RPTOR: variants seen among roughly 807,000 people sequenced by gnomAD.
RPTOR encodes regulatory associated protein of MTOR complex 1.
A neutral mutation model predicts 169.9 loss-of-function variants in RPTOR; 21 were observed. The ratio of observed to expected loss-of-function variants is 0.12; its 90% CI spans 0.09 to 0.18. The LOEUF (loss-of-function observed/expected upper bound fraction) is 0.18. Among genes scored for constraint, RPTOR ranks in the 10% least tolerant of loss-of-function variants. The probability of loss-of-function intolerance (pLI) is 1.00; values close to 1 mark genes in which losing one functional copy is unlikely to be tolerated. For missense variants in RPTOR, 1,133 were observed against 1,855.9 expected (o/e 0.61, Z 7.16); for synonymous variants, 732 against 753.2 (o/e 0.97, Z 0.46).
Position 80,857,803 on chromosome 17 carries a change from G to T in RPTOR, c.1412G>T (p.Gly471Val). 1 of 1,610,340 alleles carries T rather than the reference G, an allele frequency of 6.2e-7. No homozygotes were observed. ...PWAVSLALSV[G>V]IFPYVLKLLQ... Reference sequence around the variant, plus strand: ...CCTCGCCCCCAGGCCTTGTCTGTCGGCATCTTCCCCTACGTGCTGAAGCTG... The same window carrying T: ...CCTCGCCCCCAGGCCTTGTCTGTCGTCATCTTCCCCTACGTGCTGAAGCTG... Residue 471 changes from glycine (G) to valine (V), a missense_variant, in exon 13 of 34, where the codon GGC (glycine) becomes GTC (valine). By Grantham distance (109) the Gly-to-Val change is moderately radical. This residue lies in a region of RPTOR where 289 missense variants were observed against 585.8 expected (regional missense o/e 0.49). Coordinates refer to ENST00000306801, the MANE Select transcript of RPTOR (RefSeq NM_020761.3).
intron 6 of RPTOR, among the ~76,000 whole-genome samples, chr17:80,768,303 C>G (rs546994963): frequency 6.6e-6 from 1 of 152,288 alleles, no homozygotes; most frequent in East Asian, 1.9e-4. Context: ...CGTGATCTCA[C>G]TTGGGGTCTC....
chr17:80,867,040 G>C (rs2068000762), intron 13 of RPTOR, among the ~76,000 whole-genome samples: 1 of 152,082 alleles, frequency 6.6e-6, no homozygotes, highest in Non-Finnish European at 1.5e-5. Flanking sequence ...TGATACCAAA[G>C]GTTAGACACA....
At chr17:80,843,428 AAT>A (rs1453879574) in intron 10 of RPTOR, among the ~76,000 whole-genome samples, 3 of 43,468 alleles carry the variant, frequency 6.9e-5, no homozygotes, top group African/African-American at 1.4e-4. Flanking sequence ...CTCAAAAAAA[AAT>A]TTTTTTTTTT....
chr17:80,958,553 A>G (rs1006620637), intron 29 of RPTOR, among the ~76,000 whole-genome samples: 4 of 151,018 alleles, frequency 2.6e-5, no homozygotes, highest in African/African-American at 4.9e-5. Flanking sequence ...TGGGACTACA[A>G]GCGCCCACCA....
At chr17:80,644,819 C>G (rs904991430) in intron 3 of RPTOR, among the ~76,000 whole-genome samples, 3 of 152,142 alleles carry the variant, frequency 2.0e-5, no homozygotes, top group Non-Finnish European at 4.4e-5. Context: ...TAGGTCATTT[C>G]TGCTGTTGCT....
chr17:80,739,533 C>T (rs2066464984), intron 5 of RPTOR, among the ~76,000 whole-genome samples: 2 of 152,186 alleles, frequency 1.3e-5, no homozygotes, highest in East Asian at 1.9e-4. Context: ...ACACACTTTT[C>T]CAGCGTCCAT....
At position 80,730,731 on chromosome 17, in the gene RPTOR, C is replaced by T. The variant is rs762895923; in HGVS notation, c.654+25C>T. 8.4e-6 allele frequency: 7 copies of T among 834,600 alleles called. No homozygotes were observed. The highest frequency in any genetic ancestry group is 5.8e-5 in the East Asian group (1 of 17,340). The allele number at this position is 834,600 out of a possible 1,614,324, so 51.7% of individuals were successfully genotyped here. A position where few individuals can be genotyped will look rare whatever the true frequency, so the allele number is the denominator to read the frequency against. Reference sequence around the variant, plus strand: ...GGTGAGCGCTCTGGTGCTTGGAGAGCGGTGCTGGGTTTGGTTTTGTTTTCC... The same window carrying T: ...GGTGAGCGCTCTGGTGCTTGGAGAGTGGTGCTGGGTTTGGTTTTGTTTTCC... On this transcript the variant is annotated intron_variant, in intron 5 of 33. Transcript: ENST00000306801. The surrounding 1 kb of genome is among the most constrained non-coding windows in gnomAD (Gnocchi z 4.2).
At chr17:80,631,451 C>A (rs1464429034) in intron 2 of RPTOR, among the ~76,000 whole-genome samples, 8 of 152,122 alleles carry the variant, frequency 5.3e-5, no homozygotes, top group African/African-American at 1.9e-4. Context: ...GACACATTAC[C>A]ATCTTAGCTG....
At chr17:80,843,798 C>T (rs1347551990) in intron 10 of RPTOR, among the ~76,000 whole-genome samples, 1 of 152,174 alleles carries the variant, frequency 6.6e-6, no homozygotes, top group East Asian at 1.9e-4. Flanking sequence ...TCCAGCCGGA[C>T]GGGCTCCACT....
chr17:80,765,731 T>C (rs1470343628), intron 6 of RPTOR, among the ~76,000 whole-genome samples: 2 of 152,168 alleles, frequency 1.3e-5, no homozygotes, highest in East Asian at 3.9e-4. Context: ...TCTCCGTCCT[T>C]GTCCTGTTCT....
At chr17:80,794,097 C>G (rs753179252) in intron 7 of RPTOR, among the ~76,000 whole-genome samples, 1 of 152,188 alleles carries the variant, frequency 6.6e-6, no homozygotes, top group African/African-American at 2.4e-5. Flanking sequence ...GTAAATTGGA[C>G]TTCATCCAAA....
chr17:80,723,886 T>C (rs574875691), intron 4 of RPTOR, among the ~76,000 whole-genome samples: 1 of 151,574 alleles, frequency 6.6e-6, no homozygotes, highest in East Asian at 1.9e-4. Context: ...CTGTTTTTTC[T>C]AGCTTTCTCT....
intron 3 of RPTOR, among the ~76,000 whole-genome samples, chr17:80,667,308 G>T (rs558927285): frequency 3.1e-4 from 47 of 152,272 alleles, no homozygotes; most frequent in African/African-American, 1.0e-3. Context: ...AGCGAAGGGA[G>T]ACCAGGGCTG....
chr17:80,852,456 G>T (rs1216725439), intron 11 of RPTOR, among the ~76,000 whole-genome samples: 2 of 152,062 alleles, frequency 1.3e-5, no homozygotes, highest in African/African-American at 4.8e-5. Flanking sequence ...CACATATCCT[G>T]CGAGCAGTCC....
intron 11 of RPTOR, among the ~76,000 whole-genome samples, chr17:80,854,299 T>C (rs997164609): frequency 5.9e-5 from 9 of 152,220 alleles, no homozygotes; most frequent in Non-Finnish European, 1.2e-4. Context: ...ATGAAACCCT[T>C]GTGGGCAGGT....
At chr17:80,930,324 A>AGCTCAGCTCATCTTCAGCTCATCCTCT (rs1555636987) in intron 24 of RPTOR, among the ~76,000 whole-genome samples, 1 of 110,592 alleles carries the variant, frequency 9.0e-6, no homozygotes, top group Non-Finnish European at 1.8e-5. Flanking sequence ...AGCTCAGCTC[A>AGCTCAGCTCATCTTCAGCTCATCCTCT]GCTCATCCTC....
At chr17:80,811,210 G>A (rs1271206919) in intron 7 of RPTOR, among the ~76,000 whole-genome samples, 1 of 152,208 alleles carries the variant, frequency 6.6e-6, no homozygotes, top group East Asian at 1.9e-4. Context: ...AGTATAATAT[G>A]TGCTGTGAAT....
At chr17:80,832,330 C>G (rs1017292432) in intron 9 of RPTOR, among the ~76,000 whole-genome samples, 2 of 152,214 alleles carry the variant, frequency 1.3e-5, no homozygotes, top group Admixed American at 1.3e-4. Context: ...GTGCTGGCCA[C>G]TGGAGCAACA....
intron 6 of RPTOR, among the ~76,000 whole-genome samples, chr17:80,787,830 T>C (rs1476222707): frequency 2.0e-5 from 3 of 152,238 alleles, no homozygotes; most frequent in African/African-American, 7.2e-5. Context: ...TGTCTGTTCA[T>C]CCATTTTTCT....
Sources: allele counts gnomAD v4.1 joint callset (sites outside exome capture counted in the v4.1 genomes callset), GRCh38; gene constraint gnomAD v4.1.1; regional missense constraint gnomAD v4.1.1; non-coding constraint Gnocchi (gnomAD v3.1); transcripts MANE v1.5; gene names NCBI Gene and HGNC (gene_info 2026-07-23, HGNC 2026-07-21).